PIN4: variants seen among roughly 807,000 people sequenced by gnomAD.
The protein encoded by PIN4 is peptidyl-prolyl cis-trans isomerase NIMA-interacting 4.
Under a neutral mutation model 8.3 loss-of-function variants are expected in PIN4, and 3 were observed. The ratio of observed to expected loss-of-function variants is 0.36; its 90% CI spans 0.16 to 0.93. The LOEUF (loss-of-function observed/expected upper bound fraction) is 0.93. PIN4 is among the 40% of genes least tolerant of loss of function. The probability of loss-of-function intolerance (pLI) is 0.44; values close to 1 mark genes in which losing one functional copy is unlikely to be tolerated. For synonymous variants in PIN4, 18 were observed against 32.5 expected (o/e 0.55, Z 1.52); for missense variants, 75 against 100.6 (o/e 0.75, Z 1.09).
In PIN4 at chrX:72,197,782, AT is replaced by A; in HGVS notation, c.*258del. On this transcript the variant is annotated 3_prime_UTR_variant, in exon 4 of 4. Coordinates refer to ENST00000373669, the MANE Select transcript of PIN4 (RefSeq NM_006223.4). Reference sequence around the variant, plus strand: ...GTCAAGCAGACTCCCTTTAACCTGTATTCTCTTTCCTCCCAGAACTATATCT... The same window carrying A: ...GTCAAGCAGACTCCCTTTAACCTGTATCTCTTTCCTCCCAGAACTATATCT... 1.2e-6 allele frequency: 1 copy of A among 849,595 alleles called. No homozygotes were observed. Among genetic ancestry groups the A allele is most frequent in the Non-Finnish European group, 1.4e-6 (1 of 697,072 alleles). 70.0% of individuals were successfully genotyped at this position (849,595 alleles called of 1,213,427 possible).
chrX:72,190,965 A>C (rs1479884738), intron 2 of PIN4, among the ~76,000 whole-genome samples: 1 of 106,968 alleles, frequency 9.3e-6, no homozygotes. Context: ...AAAAAAAAAA[A>C]AAAGCTCCCC....
At chrX:72,191,970 A>T in intron 2 of PIN4, among the ~76,000 whole-genome samples, 1 of 107,398 alleles carries the variant, frequency 9.3e-6, no homozygotes, top group East Asian at 2.9e-4. Context: ...TTTGTTTTTG[A>T]GATGGAGTCT....
chrX:72,204,184 A>G (rs1350256746), intron 3 of PIN4, among the ~76,000 whole-genome samples: 3 of 112,460 alleles, frequency 2.7e-5, no homozygotes. Context: ...ACATAATGAG[A>G]TATTTTGGAG....
intron 3 of PIN4, among the ~76,000 whole-genome samples, chrX:72,236,223 T>G (rs2043016311): frequency 9.0e-6 from 1 of 111,641 alleles, no homozygotes; most frequent in Admixed American, 9.5e-5. Flanking sequence ...GCAGCCTGAG[T>G]TGGGAGGATC....
At chrX:72,187,181 A>C (rs771744442) in intron 2 of PIN4, among the ~76,000 whole-genome samples, 1 of 112,134 alleles carries the variant, frequency 8.9e-6, no homozygotes, top group South Asian at 3.7e-4. Context: ...TGCTGAATAA[A>C]CAGGCAAGGG....
intron 3 of PIN4, among the ~76,000 whole-genome samples, chrX:72,261,829 C>T (rs2043141182): frequency 8.9e-6 from 1 of 111,773 alleles, no homozygotes; most frequent in Non-Finnish European, 1.9e-5. Context: ...CTGTGATGAT[C>T]TCTCCAGCCT....
At chrX:72,187,510 A>AG (rs1491251943) in intron 2 of PIN4, among the ~76,000 whole-genome samples, 1 of 112,098 alleles carries the variant, frequency 8.9e-6, no homozygotes, top group African/African-American at 3.2e-5. Context: ...TAAAAAAGTA[A>AG]GAGATGGGCC....
chrX:72,225,763 C>T (rs932409657), intron 3 of PIN4, among the ~76,000 whole-genome samples: 4 of 111,257 alleles, frequency 3.6e-5, no homozygotes, highest in African/African-American at 1.3e-4. Flanking sequence ...TTATTACAGG[C>T]CCCTGCTCTA....
At chrX:72,206,484 A>T in intron 3 of PIN4, 1 of 1,211,351 alleles carries the variant, frequency 8.3e-7, no homozygotes, top group Middle Eastern at 2.3e-4. Context: ...CCTGAGTATG[A>T]TGAGTACTTA....
intron 3 of PIN4, among the ~76,000 whole-genome samples, chrX:72,258,954 T>TA (rs5902701): frequency 0.45 from 49,697 of 109,794 alleles, 10,488 homozygotes; most frequent in East Asian, 0.98. Context: ...CGCCAGAAAA[T>TA]AAAAAAAATT....
intron 3 of PIN4, among the ~76,000 whole-genome samples, chrX:72,261,317 C>CAAG (rs2043139384): frequency 1.0e-5 from 1 of 98,109 alleles, no homozygotes; most frequent in Non-Finnish European, 2.0e-5. Context: ...AAAAAAAAAC[C>CAAG]AAAATCTGGG....
intron 3 of PIN4, among the ~76,000 whole-genome samples, chrX:72,240,958 T>G (rs1399866505): frequency 2.7e-5 from 3 of 110,788 alleles, no homozygotes; most frequent in Non-Finnish European, 3.8e-5. Flanking sequence ...TAAATTGACT[T>G]CATCTAAGCT....
At chrX:72,190,913 A>G (rs1293092748) in intron 2 of PIN4, among the ~76,000 whole-genome samples, 2 of 105,077 alleles carry the variant, frequency 1.9e-5, no homozygotes, top group Non-Finnish European at 3.9e-5. Context: ...TGATCACACC[A>G]CTGCACTCCA....
intron 1 of PIN4, among the ~76,000 whole-genome samples, chrX:72,182,741 A>G (rs2042680505): frequency 9.0e-6 from 1 of 111,260 alleles, no homozygotes; most frequent in Admixed American, 9.6e-5. Flanking sequence ...GCAGGTCAAG[A>G]TGTGCATTGA....
At position 72,192,076 on chromosome X, in the gene PIN4, C is replaced by T. The variant is rs190860993; in HGVS notation, c.118-4709C>T. 3.7e-3 allele frequency among the ~76,000 whole-genome samples: 408 copies of T among 110,688 alleles called. 4 individuals carry two copies. Among genetic ancestry groups the T allele is most frequent in the African/African-American group, 0.012 (372 of 30,322 alleles). On this transcript the variant is annotated intron_variant, in intron 2 of 3. Transcript: ENST00000373669. The stretch of plus-strand genomic sequence containing the variant: ...AAGCGATTCTCCTGCTTCAGCCTCC[C>T]GAGTAGCTGGGATTACAGGCATCCA...
intron 3 of PIN4, among the ~76,000 whole-genome samples, chrX:72,260,623 C>T (rs1047443696): frequency 9.8e-5 from 11 of 112,077 alleles, no homozygotes; most frequent in East Asian, 2.8e-4. Flanking sequence ...GTGTCTCCCA[C>T]GTATGTACCT....
At chrX:72,201,568 C>T (rs769201095), downstream of PIN4, among the ~76,000 whole-genome samples, 3 of 112,214 alleles carry the variant, frequency 2.7e-5, no homozygotes, top group African/African-American at 9.7e-5. Flanking sequence ...AAGATTGTGC[C>T]ACTGCACTCC....
chrX:72,231,829 T>G (rs138500294), intron 3 of PIN4, among the ~76,000 whole-genome samples: 3,123 of 112,169 alleles, frequency 0.028, 73 homozygotes, highest in African/African-American at 0.083. Flanking sequence ...GTGATGGATA[T>G]GTTAATTAGC....
intron 2 of PIN4, among the ~76,000 whole-genome samples, chrX:72,188,536 T>C (rs2042715523): frequency 9.0e-6 from 1 of 111,362 alleles, no homozygotes. Flanking sequence ...TTTTTGTATT[T>C]TTAGTAGAGA....
Sources: gnomAD v4.1 joint callset for allele counts (sites outside exome capture counted in the v4.1 genomes callset) on GRCh38, gnomAD v4.1.1 for gene constraint, MANE v1.5 for transcripts, NCBI Gene and HGNC (gene_info 2026-07-23, HGNC 2026-07-21) for gene names.